NDFIP2: variants seen among roughly 807,000 people sequenced by gnomAD.
NDFIP2 encodes the protein Nedd4 family interacting protein 2.
NDFIP2 carries 19 observed loss-of-function variants against 36.0 expected under a neutral mutation model. That is an observed-to-expected ratio of 0.53 (90% CI 0.37 to 0.77). The LOEUF is 0.77. NDFIP2 is among the 30% of genes least tolerant of loss of function. NDFIP2 has a pLI of 0.00. For missense variants in NDFIP2, 446 were observed against 435.8 expected, an observed-to-expected ratio of 1.02 and a Z score of -0.21; for synonymous variants, 181 against 167.7, an observed-to-expected ratio of 1.08 and a Z score of -0.61.
rs183435626 is a variant in NDFIP2 at position 79,519,948 on chromosome 13, G to A, written c.322-862G>A. Reference sequence around the variant, plus strand: ...CCCGAGTAGCTGGGATTACAGGTGTGCGACACCACACTCAGCTAATTTTTG... The same window carrying A: ...CCCGAGTAGCTGGGATTACAGGTGTACGACACCACACTCAGCTAATTTTTG... On this transcript the variant is annotated intron_variant, in intron 1 of 7. Coordinates refer to ENST00000218652, the MANE Select transcript of NDFIP2 (RefSeq NM_019080.3). Among the ~76,000 whole-genome samples the A allele has an allele frequency of 1.9e-3, 296 of 152,184 alleles. 1 individual carries two copies. Among genetic ancestry groups the A allele is most frequent in the South Asian group, 0.012 (57 of 4,826 alleles).
In NDFIP2 at chr13:79,523,554, A is replaced by T. The variant is rs1489496934; in HGVS notation, c.487+2579A>T. Among the ~76,000 whole-genome samples the T allele has an allele frequency of 8.5e-5, 13 of 152,194 alleles. No individual in the cohort carries two copies. The East Asian group carries it at 2.5e-3, about 29-fold the overall frequency. Reference sequence around the variant, plus strand: ...TTTTTTTAATATATACATACTTATGATAAAGTTTAATGCATAAATTAGGCA... The same window carrying T: ...TTTTTTTAATATATACATACTTATGTTAAAGTTTAATGCATAAATTAGGCA... On this transcript the variant is annotated intron_variant, in intron 2 of 7. Coordinates refer to ENST00000218652, the MANE Select transcript of NDFIP2 (RefSeq NM_019080.3).
In NDFIP2 at chr13:79,507,553, C is replaced by T. The variant is rs1025874530; in HGVS notation, c.322-13257C>T. Among the ~76,000 whole-genome samples, 2 of 19,366 alleles carry T rather than the reference C, an allele frequency of 1.0e-4. 1 individual carries two copies. The highest frequency in any genetic ancestry group is 1.5e-4 in the Non-Finnish European group (2 of 13,180). 12.7% of individuals were successfully genotyped at this position (19,366 alleles called of 152,430 possible). ...CCTCCCAAAGTGCTGGGATTACAGG[C>T]GTGAGCCACCGCGCCCGGCCTCTGA... On this transcript the variant is annotated intron_variant, in intron 1 of 7. Transcript: ENST00000218652.
intron 1 of NDFIP2, among the ~76,000 whole-genome samples, chr13:79,510,476 G>T (rs1290320802): frequency 6.6e-6 from 1 of 151,480 alleles, no homozygotes; most frequent in Non-Finnish European, 1.5e-5. Flanking sequence ...TGAAAAATCA[G>T]CTGACTAAAG....
rs1314016583 is a variant in NDFIP2 at position 79,543,699 on chromosome 13, C to T, written c.840+17C>T. ...ATTGTCAGGGTGAGTGTCTTGATAG[C>T]CTGTATCTCTTTTATCTCTAAAATG... On this transcript the variant is annotated intron_variant, in intron 5 of 7. Transcript: ENST00000218652. 2 of 1,609,498 alleles carry T rather than the reference C, an allele frequency of 1.2e-6. No homozygotes were observed. The highest frequency in any genetic ancestry group is 2.2e-5 in the East Asian group (1 of 44,798).
At chr13:79,491,633 A>G (rs1373487849) in intron 1 of NDFIP2, among the ~76,000 whole-genome samples, 1 of 152,172 alleles carries the variant, frequency 6.6e-6, no homozygotes, top group Non-Finnish European at 1.5e-5. Flanking sequence ...GCTCAATTGT[A>G]TGTGTATTCG....
At chr13:79,522,852 A>G (rs1360393409) in intron 2 of NDFIP2, among the ~76,000 whole-genome samples, 4 of 152,228 alleles carry the variant, frequency 2.6e-5, no homozygotes, top group Admixed American at 2.6e-4. Context: ...CCCTTATGCC[A>G]TATTTTGTTG....
At position 79,481,403 on chromosome 13, in the gene NDFIP2, C is replaced by G. The variant is rs1446485673; in HGVS notation, c.200C>G (p.Thr67Arg). ...RNGGGRGPAA[T>R]TSSTGVAVGA... ...GGAGGCGGAAGGGGCCCTGCGGCGA[C>G]GACGTCGTCGACGGGGGTGGCCGTG... Residue 67 changes from threonine (T) to arginine (R), a missense_variant, in exon 1 of 8, where the codon ACG becomes AGG. Thr to Arg is a moderately conservative substitution (Grantham distance 71). This residue lies in a region of NDFIP2 where 369 missense variants were observed against 304.8 expected (regional missense o/e 1.21). Coordinates refer to ENST00000218652, the MANE Select transcript of NDFIP2 (RefSeq NM_019080.3). 1.3e-6 allele frequency: 2 copies of G among 1,555,828 alleles called. No homozygotes were observed. Among genetic ancestry groups the G allele is most frequent in the Non-Finnish European group, 1.7e-6 (2 of 1,149,646 alleles).
chr13:79,533,181 A>G (rs1875084190), intron 2 of NDFIP2, 142 bp from the exon 3 acceptor site: 2 of 491,892 alleles, frequency 4.1e-6, no homozygotes, highest in Non-Finnish European at 6.7e-6. Context: ...ATAGTAATTT[A>G]TATATTTTAT....
chr13:79,520,800 G>T lies in NDFIP2; in HGVS notation c.322-10G>T, dbSNP rs766223793. 1 of 1,583,588 alleles carries T rather than the reference G, an allele frequency of 6.3e-7. No homozygotes were observed. Among genetic ancestry groups the T allele is most frequent in the Admixed American group, 1.8e-5 (1 of 54,758 alleles). On this transcript the variant is annotated splice_polypyrimidine_tract_variant and intron_variant, in intron 1 of 7. Coordinates refer to ENST00000218652, the MANE Select transcript of NDFIP2 (RefSeq NM_019080.3). ...TACATTAATGTTTTGTTTTTCTTTT[G>T]TTCTCTTAGCTTCTTAATGAAGAGG...
At chr13:79,508,182 A>G (rs1361538539) in intron 1 of NDFIP2, among the ~76,000 whole-genome samples, 1 of 152,196 alleles carries the variant, frequency 6.6e-6, no homozygotes, top group Non-Finnish European at 1.5e-5. Context: ...GTTTCTTACT[A>G]TTACAAATAT....
intron 5 of NDFIP2, among the ~76,000 whole-genome samples, chr13:79,547,897 AC>A (rs1307839339): frequency 6.6e-6 from 1 of 152,050 alleles, no homozygotes; most frequent in Non-Finnish European, 1.5e-5. Context: ...TCAGCAGAAC[AC>A]CCCCATCTGA....
intron 1 of NDFIP2, among the ~76,000 whole-genome samples, chr13:79,500,019 A>G (rs2140743175): frequency 1.3e-5 from 2 of 152,082 alleles, no homozygotes; most frequent in South Asian, 4.1e-4. Flanking sequence ...GAAAAAACAG[A>G]CAAATAGATT....
intron 2 of NDFIP2, 91 bp from the exon 3 acceptor site, chr13:79,533,232 A>T: frequency 8.7e-7 from 1 of 1,147,052 alleles, no homozygotes; most frequent in Non-Finnish European, 1.2e-6. Flanking sequence ...GTAGTCCTGT[A>T]TTGGTGGCCA....
At chr13:79,523,312 C>T (rs1321031700) in intron 2 of NDFIP2, among the ~76,000 whole-genome samples, 1 of 152,172 alleles carries the variant, frequency 6.6e-6, no homozygotes, top group Non-Finnish European at 1.5e-5. Flanking sequence ...CCTTCACCTC[C>T]TGGGTTCAAG....
At chr13:79,489,453 C>T (rs2140732129) in intron 1 of NDFIP2, among the ~76,000 whole-genome samples, 1 of 152,248 alleles carries the variant, frequency 6.6e-6, no homozygotes, top group South Asian at 2.1e-4. Context: ...TGTAAGACCC[C>T]CCAAATTCAA....
chr13:79,554,326 T>C lies in NDFIP2; in HGVS notation c.*1813T>C, dbSNP rs1460283650. 1 of 151,856 alleles carries C rather than the reference T, an allele frequency of 6.6e-6. No individual in the cohort carries two copies. The highest frequency in any genetic ancestry group is 1.5e-5 in the Non-Finnish European group (1 of 67,758). The allele number at this position is 151,856 out of a possible 1,614,324, so 9.4% of individuals were successfully genotyped here. On this transcript the variant is annotated 3_prime_UTR_variant, in exon 8 of 8. Coordinates refer to ENST00000218652, the MANE Select transcript of NDFIP2 (RefSeq NM_019080.3). ...GCTGGATCTCTTTCATATTAATTTCTTATAGACCTGTACTTTATTCTTTCA... is the reference window on the plus strand; with the variant it reads ...GCTGGATCTCTTTCATATTAATTTCCTATAGACCTGTACTTTATTCTTTCA...
chr13:79,482,289 C>T, intron 1 of NDFIP2, among the ~76,000 whole-genome samples: 1 of 145,180 alleles, frequency 6.9e-6, no homozygotes, highest in East Asian at 2.2e-4. Flanking sequence ...TCCAGCTTAA[C>T]TGTGTAAACT....
chr13:79,518,980 A>T (rs761564712), intron 1 of NDFIP2: 3 of 151,900 alleles, frequency 2.0e-5, no homozygotes, highest in Non-Finnish European at 4.4e-5. Context: ...CATTTTTTGT[A>T]TTTTTTGGTA....
At chr13:79,490,108 G>A (rs1301723882) in intron 1 of NDFIP2, among the ~76,000 whole-genome samples, 2 of 152,132 alleles carry the variant, frequency 1.3e-5, no homozygotes, top group African/African-American at 4.8e-5. Flanking sequence ...TTCTAGCCTA[G>A]GATGGGGATG....
Sources: allele counts gnomAD v4.1 joint callset (sites outside exome capture counted in the v4.1 genomes callset), GRCh38; gene constraint gnomAD v4.1.1; regional missense constraint gnomAD v4.1.1; transcripts MANE v1.5; gene names NCBI Gene and HGNC (gene_info 2026-07-23, HGNC 2026-07-21).